Variants in SHISA9 observed in about 807,000 individuals in gnomAD.
The protein encoded by SHISA9 is shisa family member 9.
In SHISA9, 13 loss-of-function variants were observed where a neutral mutation model predicts 38.0. That is an observed-to-expected ratio of 0.34 (90% CI 0.22 to 0.54). The LOEUF (loss-of-function observed/expected upper bound fraction) is 0.54, where lower values mean the gene tolerates loss of function less well. Ranked by LOEUF, SHISA9 falls within the 20% of genes least tolerant of loss-of-function variation. The pLI is 0.91. For synonymous variants in SHISA9, 275 were observed against 242.0 expected (o/e 1.14, Z -1.27); for missense variants, 538 against 575.8 (o/e 0.93, Z 0.67).
chr16:13,184,520 C>T (rs1431973398), intron 2 of SHISA9, among the ~76,000 whole-genome samples: 1 of 152,142 alleles, frequency 6.6e-6, no homozygotes, highest in Non-Finnish European at 1.5e-5. Flanking sequence ...GGGGATGGTT[C>T]TATGAGTTTT....
intron 2 of SHISA9, among the ~76,000 whole-genome samples, chr16:13,179,315 A>G (rs1370871070): frequency 1.3e-5 from 2 of 150,596 alleles, no homozygotes; most frequent in Non-Finnish European, 3.0e-5. Flanking sequence ...CTGTCTCAAT[A>G]AAACAAAAAC....
At chr16:13,348,314 C>A in the SHISA9 span, among the ~76,000 whole-genome samples, 2 of 152,028 alleles carry the variant, frequency 1.3e-5, no homozygotes, top group African/African-American at 4.8e-5. Context: ...CTTTGAGCAC[C>A]ATATTCACGC....
chr16:12,970,386 T>C (rs1230550934), intron 2 of SHISA9, among the ~76,000 whole-genome samples: 2 of 30,608 alleles, frequency 6.5e-5, no homozygotes, highest in Non-Finnish European at 1.2e-4. Flanking sequence ...TATATACATA[T>C]ATGTATATAT....
the SHISA9 span, among the ~76,000 whole-genome samples, chr16:13,546,903 C>T: frequency 1.3e-5 from 2 of 152,168 alleles, no homozygotes; most frequent in Non-Finnish European, 2.9e-5. Flanking sequence ...TATCATCTGG[C>T]TCCTGTGTCT....
intron 2 of SHISA9, among the ~76,000 whole-genome samples, chr16:13,173,647 C>A (rs2050707907): frequency 6.6e-6 from 1 of 152,106 alleles, no homozygotes; most frequent in African/African-American, 2.4e-5. Flanking sequence ...CAGGGATGTG[C>A]TAAGCTCCTG....
At chr16:13,139,165 T>C (rs1192925504) in intron 2 of SHISA9, among the ~76,000 whole-genome samples, 2 of 152,164 alleles carry the variant, frequency 1.3e-5, no homozygotes, top group Admixed American at 1.3e-4. Flanking sequence ...TCTTCACTTC[T>C]TCATTTCTCT....
the SHISA9 span, among the ~76,000 whole-genome samples, chr16:13,375,187 T>C: frequency 2.6e-5 from 4 of 152,206 alleles, no homozygotes; most frequent in African/African-American, 9.7e-5. Context: ...TAGATCCCAT[T>C]TGTCAATTGT....
the SHISA9 span, among the ~76,000 whole-genome samples, chr16:13,434,419 G>GTTTTTTTTTTTTTGTTTTTTT: frequency 1.5e-5 from 1 of 64,566 alleles, no homozygotes; most frequent in East Asian, 4.9e-4. Flanking sequence ...GACAAGCTAT[G>GTTTTTTTTTTTTTGTTTTTTT]TTTTTTTTTT....
chr16:13,469,594 C>G, the SHISA9 span, among the ~76,000 whole-genome samples: 1 of 152,168 alleles, frequency 6.6e-6, no homozygotes, highest in Non-Finnish European at 1.5e-5. Flanking sequence ...GACTCTGGCT[C>G]TTGTTCTCAA....
the SHISA9 span, among the ~76,000 whole-genome samples, chr16:13,275,996 T>C: frequency 6.6e-6 from 1 of 152,050 alleles, no homozygotes; most frequent in African/African-American, 2.4e-5. Flanking sequence ...TCTTTAGTGG[T>C]GATTTGTGAA....
chr16:13,311,734 G>A, the SHISA9 span, among the ~76,000 whole-genome samples: 1 of 152,176 alleles, frequency 6.6e-6, no homozygotes, highest in Non-Finnish European at 1.5e-5. Context: ...CTCTTAGGAG[G>A]CAGTGTTATG....
At chr16:13,079,185 A>T (rs992220604) in intron 2 of SHISA9, among the ~76,000 whole-genome samples, 4 of 152,222 alleles carry the variant, frequency 2.6e-5, no homozygotes, top group Non-Finnish European at 5.9e-5. Flanking sequence ...AATCAATGCC[A>T]TGATATGTAG....
chr16:12,965,284 G>A (rs532415342), intron 2 of SHISA9, among the ~76,000 whole-genome samples: 2 of 152,240 alleles, frequency 1.3e-5, no homozygotes, highest in Admixed American at 6.5e-5. Context: ...GCCTTTTAAG[G>A]TGTACAATTC....
the SHISA9 span, among the ~76,000 whole-genome samples, chr16:13,487,980 A>G: frequency 0.26 from 40,054 of 152,160 alleles, 5,675 homozygotes; most frequent in East Asian, 0.42. Context: ...ATCTCACTCA[A>G]TGAGACAAAA....
chr16:13,436,575 G>A, the SHISA9 span, among the ~76,000 whole-genome samples: 1 of 152,170 alleles, frequency 6.6e-6, no homozygotes, highest in Admixed American at 6.5e-5. Context: ...CTATGACGTA[G>A]CCATTCTTTT....
intron 2 of SHISA9, among the ~76,000 whole-genome samples, chr16:12,983,363 C>T (rs1456638189): frequency 6.6e-6 from 1 of 152,220 alleles, no homozygotes; most frequent in East Asian, 1.9e-4. Context: ...GAATGTTTGT[C>T]CCTCAGAGAT....
the SHISA9 span, among the ~76,000 whole-genome samples, chr16:13,394,002 G>A: frequency 5.3e-5 from 8 of 152,184 alleles, no homozygotes; most frequent in African/African-American, 1.4e-4. Context: ...TGTGGGCAAC[G>A]TGACCTTCCC....
chr16:13,090,169 G>GT (rs2073758724), intron 2 of SHISA9, among the ~76,000 whole-genome samples: 3 of 152,192 alleles, frequency 2.0e-5, no homozygotes, highest in Non-Finnish European at 2.9e-5. Context: ...CTGAGAGACA[G>GT]TTTTTTGTGA....
chr16:13,331,635 A>T, the SHISA9 span: 2 of 152,142 alleles, frequency 1.3e-5, no homozygotes, highest in African/African-American at 4.8e-5. Flanking sequence ...TCCATCACAA[A>T]TATCCCCCTC....
Sources: gnomAD v4.1 joint callset for allele counts (sites outside exome capture counted in the v4.1 genomes callset) on GRCh38, gnomAD v4.1.1 for gene constraint, MANE v1.5 for transcripts, NCBI Gene and HGNC (gene_info 2026-07-23, HGNC 2026-07-21) for gene names.